Variants in ATP9B observed in about 807,000 individuals in gnomAD.
ATP9B encodes the protein ATPase phospholipid transporting 9B.
In ATP9B, 110 loss-of-function variants were observed where a neutral mutation model predicts 146.1. The observed-to-expected ratio is 0.75, with a 90% CI of 0.65 to 0.88. ATP9B has a LOEUF of 0.88. ATP9B is among the 40% of genes least tolerant of loss of function. The pLI is 0.00. For synonymous variants in ATP9B, 604 were observed against 569.7 expected (o/e 1.06, Z -0.86); for missense variants, 1,499 against 1,496.4 (o/e 1.00, Z -0.03).
chr18:79,348,475 C>T (rs895101596), intron 25 of ATP9B, among the ~76,000 whole-genome samples: 6 of 152,330 alleles, frequency 3.9e-5, no homozygotes, highest in African/African-American at 1.2e-4. Flanking sequence ...TAAAGGGTCC[C>T]GTGGCAGAAG....
At chr18:79,284,878 T>C (rs2096419377) in intron 13 of ATP9B, among the ~76,000 whole-genome samples, 1 of 151,938 alleles carries the variant, frequency 6.6e-6, no homozygotes, top group Admixed American at 6.6e-5. Flanking sequence ...GTGTTTGGTT[T>C]TTTGTTCTTG....
chr18:79,200,750 T>A (rs7233710), intron 9 of ATP9B, among the ~76,000 whole-genome samples: 5 of 73,904 alleles, frequency 6.8e-5, no homozygotes, highest in Admixed American at 2.8e-4. Context: ...AGAGCAGAGG[T>A]GGAGGTGGGA....
At chr18:79,137,367 T>A (rs1302806039) in intron 5 of ATP9B, among the ~76,000 whole-genome samples, 4 of 152,168 alleles carry the variant, frequency 2.6e-5, no homozygotes, top group African/African-American at 9.7e-5. Flanking sequence ...AATTTTATCT[T>A]TTTGGGTGGT....
intron 12 of ATP9B, among the ~76,000 whole-genome samples, chr18:79,271,142 A>G (rs755325544): frequency 4.5e-4 from 69 of 152,306 alleles, no homozygotes; most frequent in Non-Finnish European, 9.3e-4. Context: ...CAAATCTCCA[A>G]TCATCCCACA....
At chr18:79,340,945 C>T (rs1408964430) in intron 19 of ATP9B, among the ~76,000 whole-genome samples, 1 of 152,182 alleles carries the variant, frequency 6.6e-6, no homozygotes, top group Non-Finnish European at 1.5e-5. Context: ...TGTGTGCTTG[C>T]TTTGTGTGGA....
chr18:79,130,587 C>T (rs1389491052), intron 5 of ATP9B, among the ~76,000 whole-genome samples: 2 of 152,046 alleles, frequency 1.3e-5, no homozygotes, highest in Non-Finnish European at 2.9e-5. Flanking sequence ...AGACATTAAT[C>T]TGTACATTCA....
rs59962329 is a variant in ATP9B at position 79,201,052 on chromosome 18, T to A, written c.955-5885T>A. Among the ~76,000 whole-genome samples the A allele has an allele frequency of 6.3e-3, 958 of 152,262 alleles. 8 individuals carry two copies. Among genetic ancestry groups the A allele is most frequent in the African/African-American group, 0.021 (854 of 41,528 alleles). On this transcript the variant is annotated intron_variant, in intron 9 of 29. Coordinates refer to ENST00000426216, the MANE Select transcript of ATP9B (RefSeq NM_198531.5). Reference sequence around the variant, plus strand: ...CTGATGGCCTGGTGATGGTGACCACTTGTGGGAGGCTGTGCCACTCAAAGA... The same window carrying A: ...CTGATGGCCTGGTGATGGTGACCACATGTGGGAGGCTGTGCCACTCAAAGA...
chr18:79,341,412 G>A (rs1346192492), intron 19 of ATP9B, among the ~76,000 whole-genome samples: 3 of 95,538 alleles, frequency 3.1e-5, no homozygotes, highest in East Asian at 3.5e-4. Flanking sequence ...CTGTGTTGCC[G>A]ACACACCATT....
intron 13 of ATP9B, among the ~76,000 whole-genome samples, chr18:79,301,683 T>G (rs2096591683): frequency 6.6e-6 from 1 of 152,320 alleles, no homozygotes; most frequent in African/African-American, 2.4e-5. Context: ...TCCACTTAGA[T>G]TTATGAAACT....
intron 13 of ATP9B, among the ~76,000 whole-genome samples, chr18:79,292,540 C>T (rs1237568758): frequency 1.3e-5 from 2 of 151,808 alleles, no homozygotes; most frequent in South Asian, 2.1e-4. Context: ...TACTAAAATC[C>T]CAGCTACCTT....
At chr18:79,375,246 T>G in intron 28 of ATP9B, 148 bp from the exon 29 acceptor site, 4 of 656,768 alleles carry the variant, frequency 6.1e-6, no homozygotes, top group South Asian at 1.9e-5. Context: ...GGCAGGGAAA[T>G]GAGATGTTAA....
intron 19 of ATP9B, among the ~76,000 whole-genome samples, chr18:79,337,720 A>G (rs2096835474): frequency 6.6e-6 from 1 of 152,164 alleles, no homozygotes; most frequent in African/African-American, 2.4e-5. Flanking sequence ...TCCTGGTCCC[A>G]GCCCTGGCGA....
chr18:79,306,196 G>A (rs1227497452), intron 14 of ATP9B, among the ~76,000 whole-genome samples: 2 of 152,242 alleles, frequency 1.3e-5, no homozygotes, highest in African/African-American at 4.8e-5. Context: ...TTCCAAGGAG[G>A]ATTGTCATGA....
At chr18:79,109,695 A>G (rs1473138841) in intron 2 of ATP9B, among the ~76,000 whole-genome samples, 1 of 151,450 alleles carries the variant, frequency 6.6e-6, no homozygotes, top group Non-Finnish European at 1.5e-5. Flanking sequence ...CCTCCTGAGT[A>G]GCTGGGATTA....
intron 12 of ATP9B, among the ~76,000 whole-genome samples, chr18:79,268,828 G>C (rs190655596): frequency 2.0e-5 from 3 of 152,164 alleles, no homozygotes; most frequent in Admixed American, 1.3e-4. Flanking sequence ...ATGCTGGTCT[G>C]TTCTGAACTC....
Position 79,277,069 on chromosome 18 carries a change from G to C in ATP9B, c.1284G>C (p.Leu428Phe). The C allele has an allele frequency of 6.2e-7, 1 of 1,614,126 alleles. No homozygotes were observed. Among genetic ancestry groups the C allele is most frequent in the South Asian group, 1.1e-5 (1 of 91,062 alleles). Residue 428 changes from leucine (L) to phenylalanine (F), a missense_variant, in exon 13 of 30, where the codon TTG becomes TTC. Transcript: ENST00000426216. Reference protein sequence around the residue: ...YIIPISLRVNLDMGKAVYGWM... With the variant: ...YIIPISLRVNFDMGKAVYGWM... ...TATTTGGCAGTTTGCGTGTGAACTT[G>C]GACATGGGCAAAGCGGTGTATGGAT...
At chr18:79,276,830 CATATTAAAAA>C (rs2096314888) in intron 12 of ATP9B, among the ~76,000 whole-genome samples, 1 of 152,258 alleles carries the variant, frequency 6.6e-6, no homozygotes, top group East Asian at 1.9e-4. Flanking sequence ...AAAGATAATG[CATATTAAAAA>C]ATACGTGTAT....
rs2096044899 is a variant in ATP9B at position 79,253,019 on chromosome 18, GC to G, written c.1108-359del. On this transcript the variant is annotated intron_variant, in intron 11 of 29. Transcript: ENST00000426216. ...TCAGAAGTCTCTGTTCCCGGGCTGG[GC>G]CCTCAGAACTCTGTGTTCCCCTGCT... is the stretch of plus-strand genomic sequence containing the variant. Among the ~76,000 whole-genome samples the G allele has an allele frequency of 2.0e-5, 3 of 152,316 alleles. No individual in the cohort carries two copies. In the South Asian group the frequency reaches 6.2e-4, roughly 32 times the overall value.
intron 13 of ATP9B, among the ~76,000 whole-genome samples, chr18:79,288,997 T>C (rs1599647162): frequency 6.6e-6 from 1 of 152,234 alleles, no homozygotes; most frequent in Non-Finnish European, 1.5e-5. Context: ...GTTAGTCTGA[T>C]GGGCTTCCCT....
Sources: gnomAD v4.1 joint callset for allele counts (sites outside exome capture counted in the v4.1 genomes callset) on GRCh38, gnomAD v4.1.1 for gene constraint, MANE v1.5 for transcripts, NCBI Gene and HGNC (gene_info 2026-07-23, HGNC 2026-07-21) for gene names.